The following SAMD4B variants were observed in gnomAD, a reference collection of about 807,000 sequenced individuals.
The protein encoded by SAMD4B is sterile alpha motif domain containing 4B, also known as protein Smaug homolog 2.
A neutral mutation model predicts 74.5 loss-of-function variants in SAMD4B; 5 were observed. The ratio of observed to expected loss-of-function variants is 0.07; its 90% CI spans 0.04 to 0.14. The LOEUF is 0.14. SAMD4B is among the 10% of genes least tolerant of loss of function. The pLI is 1.00. For synonymous variants in SAMD4B, 373 were observed against 374.9 expected (o/e 1.00, Z 0.06); for missense variants, 608 against 921.8 (o/e 0.66, Z 4.41).
At position 39,378,426 on chromosome 19, in the gene SAMD4B, C is replaced by A; in HGVS notation, c.1445-78C>A. On this transcript the variant is annotated intron_variant, in intron 8 of 13. Transcript: ENST00000610417. This position sits in a 1 kb window ranked among gnomAD's most constrained non-coding sequence, Gnocchi z 4.4. ...CCTGAGTCTCCTGTTCCTTCTTGTG[C>A]ACGAGCCAGCTGGAGGCTGGAACAT... is the stretch of plus-strand genomic sequence containing the variant. 6 of 1,290,876 alleles carry A rather than the reference C, an allele frequency of 4.6e-6. No homozygotes were observed. The highest frequency in any genetic ancestry group is 6.7e-6 in the Non-Finnish European group (6 of 892,268). 80.0% of individuals were successfully genotyped at this position (1,290,876 alleles called of 1,614,324 possible).
rs745557579 is a variant in SAMD4B, at chr19:39,383,673, T to C, written c.*146T>C. On this transcript the variant is annotated 3_prime_UTR_variant, in exon 14 of 14. Transcript: ENST00000610417. The surrounding 1 kb of genome is among the most constrained non-coding windows in gnomAD (Gnocchi z 4.1). ...TCTACTCTCTTACCCTCTTAACTTT[T>C]GTTTAACATTGGCACATGCCTTGCT... 1.8e-5 allele frequency: 28 copies of C among 1,563,762 alleles called. No homozygotes were observed. Among genetic ancestry groups the C allele is most frequent in the Middle Eastern group, 3.3e-4 (2 of 6,012 alleles).
downstream of SAMD4B, chr19:39,388,973 C>T (rs543858738): frequency 1.2e-6 from 2 of 1,614,166 alleles, no homozygotes; most frequent in Admixed American, 3.3e-5. Flanking sequence ...ACAGGCATGA[C>T]CTCCACCGGT....
chr19:39,383,302 C>G lies in SAMD4B; in HGVS notation c.2056+11C>G. 6.2e-7 allele frequency: 1 copy of G among 1,613,488 alleles called. No homozygotes were observed. The highest frequency in any genetic ancestry group is 8.5e-7 in the Non-Finnish European group (1 of 1,179,424). On this transcript the variant is annotated intron_variant, in intron 13 of 13. Coordinates refer to ENST00000610417, the MANE Select transcript of SAMD4B (RefSeq NM_001384574.2). The surrounding 1 kb of genome is among the most constrained non-coding windows in gnomAD (Gnocchi z 4.1). The stretch of plus-strand genomic sequence containing the variant: ...AACACGCCTTGGGTGGTGAGCATTT[C>G]CTCTTTCCCTGACCCAGCTCCCACC...
In SAMD4B at chr19:39,369,645, C is replaced by T; in HGVS notation, c.197-10C>T. On this transcript the variant is annotated splice_polypyrimidine_tract_variant and intron_variant, in intron 3 of 13. Transcript: ENST00000610417. ...GGCTCTCCTGATATTTCTTCTTATC[C>T]CTTCTGTAGCCATCGTCAGCCAGTG... 2 of 1,610,986 alleles carry T rather than the reference C, an allele frequency of 1.2e-6. No homozygotes were observed. Among genetic ancestry groups the T allele is most frequent in the Non-Finnish European group, 1.7e-6 (2 of 1,177,946 alleles).
At position 39,375,615 on chromosome 19, in the gene SAMD4B, G is replaced by A. The variant is rs759257695; in HGVS notation, c.668-35G>A. 2 of 1,587,578 alleles carry A rather than the reference G, an allele frequency of 1.3e-6. No homozygotes were observed. Among genetic ancestry groups the A allele is most frequent in the African/African-American group, 2.7e-5 (2 of 74,352 alleles). ...ATGGTCTCCTGTGGTTGGGTCCCCA[G>A]GTCTAATATTTTGCTTTTCTCCCAC... is the stretch of plus-strand genomic sequence containing the variant. On this transcript the variant is annotated intron_variant, in intron 4 of 13. Coordinates refer to ENST00000610417, the MANE Select transcript of SAMD4B (RefSeq NM_001384574.2). The surrounding 1 kb of genome is among the most constrained non-coding windows in gnomAD (Gnocchi z 4.1).
At chr19:39,361,430 A>C (rs1455111283) in intron 3 of SAMD4B, among the ~76,000 whole-genome samples, 278 of 123,226 alleles carry the variant, frequency 2.3e-3, no homozygotes, top group Middle Eastern at 0.018. Context: ...TCCTGGCTAA[A>C]ATGGTGAAAC....
chr19:39,361,641 C>T (rs545097775), intron 3 of SAMD4B, among the ~76,000 whole-genome samples: 3 of 133,812 alleles, frequency 2.2e-5, no homozygotes, highest in South Asian at 4.8e-4. Context: ...CCTGTCTTCC[C>T]GGCCGGGCGC....
intron 3 of SAMD4B, among the ~76,000 whole-genome samples, chr19:39,364,384 G>A (rs755574556): frequency 6.6e-6 from 1 of 152,126 alleles, no homozygotes; most frequent in Non-Finnish European, 1.5e-5. Flanking sequence ...GAAAACACCC[G>A]TCACTGAGCC....
intron 1 of SAMD4B, among the ~76,000 whole-genome samples, chr19:39,344,626 T>C (rs2075578889): frequency 6.6e-6 from 1 of 152,142 alleles, no homozygotes; most frequent in Non-Finnish European, 1.5e-5. Context: ...CATTTCCCCA[T>C]TCTCTTTCCT....
At chr19:39,354,378 T>C (rs963735776) in intron 2 of SAMD4B, among the ~76,000 whole-genome samples, 1 of 150,052 alleles carries the variant, frequency 6.7e-6, no homozygotes, top group Non-Finnish European at 1.5e-5. Context: ...GTGCCTTCAA[T>C]TTTTTTTTCT....
intron 2 of SAMD4B, among the ~76,000 whole-genome samples, chr19:39,354,908 T>C (rs542126423): frequency 1.3e-5 from 2 of 152,326 alleles, no homozygotes; most frequent in East Asian, 3.9e-4. Flanking sequence ...AGAGTTTCCC[T>C]GTCACCCAGG....
intron 3 of SAMD4B, among the ~76,000 whole-genome samples, chr19:39,366,006 G>T (rs996588389): frequency 1.3e-5 from 2 of 152,066 alleles, no homozygotes; most frequent in Non-Finnish European, 2.9e-5. Flanking sequence ...TTTGAGACTA[G>T]CTTGGCCAAC....
chr19:39,389,205 A>G, downstream of SAMD4B: 1 of 1,613,676 alleles, frequency 6.2e-7, no homozygotes, highest in Non-Finnish European at 8.5e-7. The surrounding 1 kb of genome is among the most constrained non-coding windows in gnomAD (Gnocchi z 5.3). Flanking sequence ...AATCCTAGGA[A>G]TGAAGAAAAA....
downstream of SAMD4B, chr19:39,389,482 C>T (rs2078325682): frequency 6.2e-7 from 1 of 1,614,140 alleles, no homozygotes. This position sits in a 1 kb window ranked among gnomAD's most constrained non-coding sequence, Gnocchi z 5.3. Flanking sequence ...CCACTCACCT[C>T]TTGGAGCTGG....
At position 39,377,625 on chromosome 19, in the gene SAMD4B, G is replaced by A. The variant is rs759737546; in HGVS notation, c.1245G>A (p.Pro415=). 27 of 1,613,836 alleles carry A rather than the reference G, an allele frequency of 1.7e-5. No individual in the cohort carries two copies. The highest frequency in any genetic ancestry group is 4.0e-5 in the African/African-American group (3 of 74,922). ...TTTPTAKDGA[P]GEPPLPGAEP... is the part of the protein sequence containing the mutation. ...CCCCTACTGCCAAGGATGGGGCCCC[G>A]GGGGAACCACCGCTGCCAGGTGCTG... is the stretch of plus-strand genomic sequence containing the variant. The change falls in exon 8 of 14, where the codon CCG becomes CCA. Residue 415 remains proline, a synonymous_variant. Transcript: ENST00000610417.
chr19:39,364,455 A>G (rs2076835260), intron 3 of SAMD4B, among the ~76,000 whole-genome samples: 1 of 152,200 alleles, frequency 6.6e-6, no homozygotes, highest in Admixed American at 6.5e-5. Flanking sequence ...TCATCTCCCT[A>G]CATCTTCTCA....
At chr19:39,389,228 C>T (rs781094979), downstream of SAMD4B, 5 of 1,606,122 alleles carry the variant, frequency 3.1e-6, no homozygotes, top group Admixed American at 8.3e-5. The surrounding 1 kb of genome is among the most constrained non-coding windows in gnomAD (Gnocchi z 5.3). Flanking sequence ...TCCTTAGGGG[C>T]CACTGGACAC....
rs565503291 is a variant in SAMD4B, at chr19:39,363,583, G to A, written c.197-6072G>A. On this transcript the variant is annotated intron_variant, in intron 3 of 13. Coordinates refer to ENST00000610417, the MANE Select transcript of SAMD4B (RefSeq NM_001384574.2). ...CTTGAGCACTTACCACATGCCAGAC[G>A]CTTTGCATGATTGTCTCATTGACTC... Among the ~76,000 whole-genome samples the A allele has an allele frequency of 4.6e-5, 7 of 152,294 alleles. 1 individual carries two copies. Among genetic ancestry groups the A allele is most frequent in the East Asian group, 3.9e-4 (2 of 5,192 alleles).
rs772516817 is a variant in SAMD4B, at chr19:39,377,612, A to G, written c.1232A>G (p.Lys411Arg). ...GCCGCCACCACCACCCCTACTGCCAAGGATGGGGCCCCGGGGGAACCACCG... is the reference window on the plus strand; with the variant it reads ...GCCGCCACCACCACCCCTACTGCCAGGGATGGGGCCCCGGGGGAACCACCG... Reference protein sequence around the residue: ...VAAATTTPTAKDGAPGEPPLP... With the variant: ...VAAATTTPTARDGAPGEPPLP... The change falls in exon 8 of 14, where the codon AAG becomes AGG. Residue 411 changes from lysine to arginine, a missense_variant. Physicochemically the swap from Lys to Arg is conservative, Grantham distance 26 (BLOSUM62 2). Around this residue, in one of 9 missense-constraint regions of SAMD4B, gnomAD observed 99 missense variants for 112.1 expected, o/e 0.88. Transcript: ENST00000610417. 17 of 1,613,936 alleles carry G rather than the reference A, an allele frequency of 1.1e-5. No individual in the cohort carries two copies. Among genetic ancestry groups the G allele is most frequent in the Non-Finnish European group, 1.4e-5 (17 of 1,179,964 alleles).
Sources: allele counts gnomAD v4.1 joint callset (sites outside exome capture counted in the v4.1 genomes callset), GRCh38; gene constraint gnomAD v4.1.1; regional missense constraint gnomAD v4.1.1; non-coding constraint Gnocchi (gnomAD v3.1); transcripts MANE v1.5; gene names NCBI Gene and HGNC (gene_info 2026-07-23, HGNC 2026-07-21).